Variants in RAB3C observed in about 807,000 individuals in gnomAD.
RAB3C encodes the protein RAB3C, member RAS oncogene family.
A neutral mutation model predicts 26.4 loss-of-function variants in RAB3C; 17 were observed. That is an observed-to-expected ratio of 0.64 (90% confidence interval 0.44 to 0.97). RAB3C has a LOEUF of 0.97. RAB3C is among the 50% of genes least tolerant of loss of function. The pLI, the probability that RAB3C is intolerant of heterozygous loss-of-function variation, is 0.00. For missense variants in RAB3C, 242 were observed against 281.9 expected (o/e 0.86, Z 1.01); for synonymous variants, 91 against 95.9 (o/e 0.95, Z 0.30).
intron 1 of RAB3C, among the ~76,000 whole-genome samples, chr5:58,614,053 T>C (rs1355572110): frequency 6.6e-6 from 1 of 152,106 alleles, no homozygotes; most frequent in Non-Finnish European, 1.5e-5. Flanking sequence ...GGGTGGGAAG[T>C]TGCACGGCCT....
intron 2 of RAB3C, among the ~76,000 whole-genome samples, chr5:58,725,208 T>G (rs1740861055): frequency 6.6e-6 from 1 of 151,882 alleles, no homozygotes; most frequent in Non-Finnish European, 1.5e-5. Flanking sequence ...GCTACAGTAT[T>G]CTTGGATGGC....
At chr5:58,816,840 G>A (rs938050522) in intron 3 of RAB3C, among the ~76,000 whole-genome samples, 1 of 152,202 alleles carries the variant, frequency 6.6e-6, no homozygotes, top group Admixed American at 6.5e-5. Context: ...CTAGAAGCTA[G>A]AAAGGTAAGC....
chr5:58,682,619 G>A (rs1748369766), intron 2 of RAB3C, among the ~76,000 whole-genome samples: 1 of 151,886 alleles, frequency 6.6e-6, no homozygotes, highest in Admixed American at 6.6e-5. Context: ...GGGAGGTGGA[G>A]CTTGCAGTGA....
chr5:58,584,346 A>G (rs1180756450), intron 1 of RAB3C, among the ~76,000 whole-genome samples: 1 of 152,180 alleles, frequency 6.6e-6, no homozygotes, highest in Non-Finnish European at 1.5e-5. Context: ...ATAGAATTTA[A>G]TTGTTTGTTG....
intron 2 of RAB3C, among the ~76,000 whole-genome samples, chr5:58,686,368 GT>G (rs1390984866): frequency 1.3e-5 from 2 of 151,978 alleles, no homozygotes; most frequent in African/African-American, 4.8e-5. Context: ...GTATTCTTCA[GT>G]TTATGAAGCT....
intron 3 of RAB3C, among the ~76,000 whole-genome samples, chr5:58,745,423 A>AAAAAAAAAAAAAAAG (rs1579894952): frequency 6.7e-6 from 1 of 150,120 alleles, no homozygotes; most frequent in African/African-American, 2.5e-5. Context: ...AAAAAAAGAA[A>AAAAAAAAAAAAAAAG]GTAGATGGGG....
Position 58,634,057 on chromosome 5 carries a change from C to T in RAB3C, c.252+16187C>T, listed in dbSNP as rs1007484045. On this transcript the variant is annotated intron_variant, in intron 2 of 4. Transcript: ENST00000282878. ...TCAGGAGGCTGAGGCAGGAGAATGG[C>T]GTCAACCCAGGAGGCAGAGCTTGCA... Among the ~76,000 whole-genome samples, 12 of 151,074 alleles carry T rather than the reference C, an allele frequency of 7.9e-5. No individual in the cohort carries two copies. The East Asian group carries it at 1.2e-3, about 15-fold the overall frequency.
At chr5:58,669,865 C>A (rs1476727243) in intron 2 of RAB3C, among the ~76,000 whole-genome samples, 1 of 152,158 alleles carries the variant, frequency 6.6e-6, no homozygotes, top group African/African-American at 2.4e-5. Flanking sequence ...CAAAGATGAA[C>A]TCTTCACATA....
chr5:58,794,857 T>C (rs1742608599), intron 3 of RAB3C, among the ~76,000 whole-genome samples: 1 of 152,234 alleles, frequency 6.6e-6, no homozygotes, highest in African/African-American at 2.4e-5. Flanking sequence ...AAATGCTGAT[T>C]ACTCCTAGGG....
At chr5:58,619,029 T>G (rs1193813106) in intron 2 of RAB3C, among the ~76,000 whole-genome samples, 1 of 152,208 alleles carries the variant, frequency 6.6e-6, no homozygotes, top group Non-Finnish European at 1.5e-5. Context: ...TTTAAAAATC[T>G]GTATAAACTG....
intron 4 of RAB3C, among the ~76,000 whole-genome samples, chr5:58,832,661 G>A (rs1743637516): frequency 6.6e-6 from 1 of 152,186 alleles, no homozygotes; most frequent in Non-Finnish European, 1.5e-5. Context: ...GTCCCTGTTT[G>A]GAGGCTCTGA....
chr5:58,659,873 G>A (rs771221811), intron 2 of RAB3C, among the ~76,000 whole-genome samples: 1 of 152,042 alleles, frequency 6.6e-6, no homozygotes, highest in East Asian at 1.9e-4. Flanking sequence ...ACATGATCTC[G>A]GCTCACTGCA....
At chr5:58,810,374 T>TCTCTCTCTCG (rs1554020143) in intron 3 of RAB3C, among the ~76,000 whole-genome samples, 35 of 146,472 alleles carry the variant, frequency 2.4e-4, no homozygotes, top group Non-Finnish European at 4.1e-4. Flanking sequence ...GCTCTCTCTC[T>TCTCTCTCTCG]CTCTCTCTCT....
intron 3 of RAB3C, among the ~76,000 whole-genome samples, chr5:58,793,332 G>A (rs949730242): frequency 2.0e-5 from 3 of 152,162 alleles, no homozygotes; most frequent in African/African-American, 7.2e-5. Context: ...GCCGAGGCAG[G>A]CAGATCACGA....
At chr5:58,786,970 C>A (rs1223271760) in intron 3 of RAB3C, among the ~76,000 whole-genome samples, 1 of 151,996 alleles carries the variant, frequency 6.6e-6, no homozygotes, top group Non-Finnish European at 1.5e-5. Flanking sequence ...GCACAAGAGG[C>A]TCCGAGATAA....
intron 2 of RAB3C, among the ~76,000 whole-genome samples, chr5:58,712,311 C>G (rs1489276096): frequency 1.3e-5 from 2 of 151,924 alleles, no homozygotes; most frequent in African/African-American, 2.4e-5. Context: ...TTTCTCAGTA[C>G]CCCACACAAT....
At chr5:58,736,080 T>C (rs1741126955) in intron 3 of RAB3C, among the ~76,000 whole-genome samples, 1 of 152,206 alleles carries the variant, frequency 6.6e-6, no homozygotes, top group Non-Finnish European at 1.5e-5. Flanking sequence ...TTACCATTTT[T>C]AGCTAAGTTT....
At chr5:58,848,849 C>T (rs1744056527) in intron 4 of RAB3C, among the ~76,000 whole-genome samples, 1 of 152,104 alleles carries the variant, frequency 6.6e-6, no homozygotes. Flanking sequence ...GGGGCTAGAT[C>T]CCACATCTTT....
At chr5:58,705,467 T>G (rs1021388774) in intron 2 of RAB3C, among the ~76,000 whole-genome samples, 1 of 152,200 alleles carries the variant, frequency 6.6e-6, no homozygotes, top group Non-Finnish European at 1.5e-5. Flanking sequence ...TAAAAAATTT[T>G]GATGACAAAT....
Sources: allele counts gnomAD v4.1 joint callset (sites outside exome capture counted in the v4.1 genomes callset), GRCh38; gene constraint gnomAD v4.1.1; transcripts MANE v1.5; gene names NCBI Gene and HGNC (gene_info 2026-07-23, HGNC 2026-07-21).